Variants in SPMIP7 observed in about 807,000 individuals in gnomAD.
SPMIP7 encodes protein SPMIP7.
At chr7:50,096,473 C>G in the SPMIP7 span, 3 of 1,551,584 alleles carry the variant, frequency 1.9e-6, no homozygotes, top group African/African-American at 4.1e-5. Context: ...CATACCAACC[C>G]TAGTGGATTT....
At chr7:50,148,483 G>A in the SPMIP7 span, among the ~76,000 whole-genome samples, 1 of 152,170 alleles carries the variant, frequency 6.6e-6, no homozygotes, top group East Asian at 1.9e-4. Context: ...GACTTTAGAG[G>A]CATTTTAATT....
the SPMIP7 span, among the ~76,000 whole-genome samples, chr7:50,138,268 T>C: frequency 6.6e-6 from 1 of 152,206 alleles, no homozygotes; most frequent in Admixed American, 6.5e-5. Flanking sequence ...AATGAGTGAT[T>C]TGTAGGCCTG....
chr7:50,102,574 T>C, the SPMIP7 span, among the ~76,000 whole-genome samples: 2 of 152,198 alleles, frequency 1.3e-5, no homozygotes, highest in African/African-American at 4.8e-5. Context: ...CACTCTGTTC[T>C]CTAACTGGCC....
the SPMIP7 span, among the ~76,000 whole-genome samples, chr7:50,111,887 G>A: frequency 1.4e-4 from 22 of 152,078 alleles, no homozygotes; most frequent in East Asian, 5.8e-4. Context: ...TCAACCAACC[G>A]TAATAAAACA....
chr7:50,154,820 A>C, the SPMIP7 span, among the ~76,000 whole-genome samples: 2 of 152,192 alleles, frequency 1.3e-5, no homozygotes, highest in African/African-American at 4.8e-5. Context: ...CTACATTCCC[A>C]TCAACAGTCT....
At chr7:50,152,660 C>T in the SPMIP7 span, among the ~76,000 whole-genome samples, 2 of 127,328 alleles carry the variant, frequency 1.6e-5, no homozygotes, top group African/African-American at 2.8e-5. Context: ...TCGTTTATCA[C>T]ACATTTTATT....
chr7:50,113,718 T>A, the SPMIP7 span, among the ~76,000 whole-genome samples: 1 of 151,966 alleles, frequency 6.6e-6, no homozygotes, highest in Non-Finnish European at 1.5e-5. Flanking sequence ...ATACATGCAT[T>A]GGGGTCTCAG....
At chr7:50,106,198 A>G in the SPMIP7 span, among the ~76,000 whole-genome samples, 5 of 152,184 alleles carry the variant, frequency 3.3e-5, no homozygotes, top group Non-Finnish European at 7.3e-5. Flanking sequence ...GGCCAACAAG[A>G]GGATAGACTC....
At chr7:50,125,247 TACAC>T in the SPMIP7 span, among the ~76,000 whole-genome samples, 1 of 57,984 alleles carries the variant, frequency 1.7e-5, no homozygotes, top group Non-Finnish European at 3.2e-5. Context: ...TACACATATA[TACAC>T]ATATATATAC....
At chr7:50,145,541 T>C in the SPMIP7 span, among the ~76,000 whole-genome samples, 2 of 139,318 alleles carry the variant, frequency 1.4e-5, no homozygotes, top group East Asian at 2.1e-4. Flanking sequence ...ACAGACTCTA[T>C]TGTAGATTAT....
the SPMIP7 span, chr7:50,095,903 G>T: frequency 2.2e-6 from 1 of 451,822 alleles, no homozygotes; most frequent in Non-Finnish European, 3.8e-6. Context: ...TCTTCCTTTG[G>T]TGGAGGAAAA....
At chr7:50,129,852 C>A in the SPMIP7 span, 1 of 1,074,644 alleles carries the variant, frequency 9.3e-7, no homozygotes, top group Non-Finnish European at 1.4e-6. Context: ...TCCTTTATGA[C>A]ACATCCTCTT....
the SPMIP7 span, among the ~76,000 whole-genome samples, chr7:50,120,893 G>A: frequency 1.0e-3 from 156 of 152,242 alleles, 1 homozygote; most frequent in African/African-American, 3.7e-3. Flanking sequence ...CTTAAATACT[G>A]ATGAATTGTC....
At chr7:50,112,913 A>G in the SPMIP7 span, among the ~76,000 whole-genome samples, 1 of 147,022 alleles carries the variant, frequency 6.8e-6, no homozygotes, top group Non-Finnish European at 1.5e-5. Context: ...GGAGATATGC[A>G]AAAGAGATCG....
chr7:50,134,307 C>A, the SPMIP7 span: 1 of 1,398,740 alleles, frequency 7.1e-7, no homozygotes, highest in Non-Finnish European at 9.5e-7. Flanking sequence ...AGTTCTAAAA[C>A]TTTAAGTCAA....
At chr7:50,114,748 A>T in the SPMIP7 span, among the ~76,000 whole-genome samples, 46 of 152,256 alleles carry the variant, frequency 3.0e-4, no homozygotes, top group East Asian at 8.5e-3. Flanking sequence ...ATTAAGACCC[A>T]GCCGGGTGAG....
chr7:50,128,607 A>G, the SPMIP7 span, among the ~76,000 whole-genome samples: 5 of 152,052 alleles, frequency 3.3e-5, no homozygotes, highest in Non-Finnish European at 7.4e-5. Flanking sequence ...ATGTATCAAT[A>G]CAAATACATT....
the SPMIP7 span, among the ~76,000 whole-genome samples, chr7:50,106,657 A>G: frequency 6.6e-6 from 1 of 152,236 alleles, no homozygotes; most frequent in Non-Finnish European, 1.5e-5. Context: ...AGGAGAAAGT[A>G]CACTATGAGT....
chr7:50,115,699 G>C, the SPMIP7 span, among the ~76,000 whole-genome samples: 9 of 152,076 alleles, frequency 5.9e-5, no homozygotes, highest in Non-Finnish European at 7.4e-5. Context: ...GTTTATTCAG[G>C]TATGTAAGTT....
Sources: gnomAD v4.1 joint callset for allele counts (sites outside exome capture counted in the v4.1 genomes callset) on GRCh38, gnomAD v4.1.1 for gene constraint, MANE v1.5 for transcripts, NCBI Gene and HGNC (gene_info 2026-07-23, HGNC 2026-07-21) for gene names.